SERINC5: variants seen among roughly 807,000 people sequenced by gnomAD.
SERINC5 encodes the protein serine incorporator 5, also known as chromosome 5 open reading frame 12.
A neutral mutation model predicts 63.1 loss-of-function variants in SERINC5; 41 were observed. That is an observed-to-expected ratio of 0.65 (90% CI 0.51 to 0.84). The LOEUF (loss-of-function observed/expected upper bound fraction) is 0.84. Among genes scored for constraint, SERINC5 ranks in the 40% least tolerant of loss-of-function variants. The probability of loss-of-function intolerance (pLI) is 0.00; values close to 1 mark genes in which losing one functional copy is unlikely to be tolerated. For missense variants in SERINC5, 523 were observed against 573.0 expected (o/e 0.91, Z 0.89); for synonymous variants, 222 against 215.2 (o/e 1.03, Z -0.28).
intron 5 of SERINC5, among the ~76,000 whole-genome samples, chr5:80,172,336 T>C (rs933772544): frequency 2.1e-4 from 32 of 152,102 alleles, no homozygotes; most frequent in African/African-American, 7.2e-4. Context: ...AAAAGGGAAA[T>C]TGTTCAGAAC....
chr5:80,184,215 A>G (rs1292167433), intron 2 of SERINC5, among the ~76,000 whole-genome samples: 1 of 152,132 alleles, frequency 6.6e-6, no homozygotes, highest in Non-Finnish European at 1.5e-5. Context: ...TATTGCTCTA[A>G]AACATTCCCT....
rs1745546308 is a variant in SERINC5, at chr5:80,142,166, T to C, written c.*1497A>G. On this transcript the variant is annotated 3_prime_UTR_variant, in exon 12 of 12. Transcript: ENST00000507668. The stretch of plus-strand genomic sequence containing the variant: ...CCCCGAATGAAATTCTAACAGGAGT[T>C]TCCACCAAGTAAACCTTTTCCCTGC... 1.0e-6 allele frequency: 1 copy of C among 985,284 alleles called. No individual in the cohort carries two copies. The highest frequency in any genetic ancestry group is 1.7e-5 in the African/African-American group (1 of 57,214). The allele number at this position is 985,284 out of a possible 1,614,324, so 61.0% of individuals were successfully genotyped here. A position where few individuals can be genotyped will look rare whatever the true frequency, so the allele number is the denominator to read the frequency against.
intron 6 of SERINC5, among the ~76,000 whole-genome samples, chr5:80,167,761 G>A (rs1747398781): frequency 6.6e-6 from 1 of 152,106 alleles, no homozygotes; most frequent in Non-Finnish European, 1.5e-5. Context: ...ATATTTCAAG[G>A]AAACTAAGGG....
chr5:80,250,682 A>G (rs993318126), intron 1 of SERINC5, among the ~76,000 whole-genome samples: 5 of 152,148 alleles, frequency 3.3e-5, no homozygotes, highest in Non-Finnish European at 5.9e-5. Context: ...AGTCTTCTTC[A>G]TGGACTCTGT....
At chr5:80,181,979 T>C (rs1748458450) in intron 2 of SERINC5, among the ~76,000 whole-genome samples, 1 of 152,248 alleles carries the variant, frequency 6.6e-6, no homozygotes, top group African/African-American at 2.4e-5. Context: ...CTCTTAATGT[T>C]AAATGTTATT....
At chr5:80,210,559 A>T (rs916704962) in intron 1 of SERINC5, among the ~76,000 whole-genome samples, 1 of 152,070 alleles carries the variant, frequency 6.6e-6, no homozygotes, top group African/African-American at 2.4e-5. Flanking sequence ...AAAGCACAAT[A>T]CCTTCATTAC....
chr5:80,194,021 G>A (rs1287041501), intron 2 of SERINC5, among the ~76,000 whole-genome samples: 2 of 152,126 alleles, frequency 1.3e-5, no homozygotes, highest in African/African-American at 4.8e-5. Context: ...TCTACAATGG[G>A]CTTGAGGTTC....
In SERINC5 at chr5:80,235,273, CTTTA is replaced by C. The variant is rs1021298056; in HGVS notation, c.27+20619_27+20622del. Among the ~76,000 whole-genome samples, 3 of 152,194 alleles carry C rather than the reference CTTTA, an allele frequency of 2.0e-5. No homozygotes were observed. In the East Asian group the frequency reaches 5.8e-4, roughly 29 times the overall value. On this transcript the variant is annotated intron_variant, in intron 1 of 11. Coordinates refer to ENST00000507668, the MANE Select transcript of SERINC5 (RefSeq NM_001174072.3). ...TTGTAGTATGTGACAAGTTTTCCTT[CTTTA>C]TTAAGGCTGTATAATATTCCATTGT...
At chr5:80,247,321 C>G (rs963490098) in intron 1 of SERINC5, among the ~76,000 whole-genome samples, 1 of 152,100 alleles carries the variant, frequency 6.6e-6, no homozygotes, top group African/African-American at 2.4e-5. Context: ...CATAGTCACT[C>G]CCAGATACTC....
chr5:80,194,693 T>C (rs1749397048), intron 2 of SERINC5, among the ~76,000 whole-genome samples: 1 of 152,172 alleles, frequency 6.6e-6, no homozygotes, highest in Non-Finnish European at 1.5e-5. Context: ...CAGGCAGCGC[T>C]ATTTCCAAAA....
intron 8 of SERINC5, among the ~76,000 whole-genome samples, chr5:80,154,201 T>C (rs924566221): frequency 2.6e-5 from 4 of 151,904 alleles, no homozygotes; most frequent in Non-Finnish European, 5.9e-5. Flanking sequence ...TTTCTGGAGA[T>C]GGAGTTTCAC....
intron 6 of SERINC5, among the ~76,000 whole-genome samples, chr5:80,168,650 A>C (rs1747459717): frequency 6.6e-6 from 1 of 152,230 alleles, no homozygotes; most frequent in Admixed American, 6.5e-5. Context: ...GACCAGGGAC[A>C]TCTCACTGTA....
At chr5:80,215,689 T>C (rs1750629461) in intron 1 of SERINC5, among the ~76,000 whole-genome samples, 1 of 152,104 alleles carries the variant, frequency 6.6e-6, no homozygotes, top group South Asian at 2.1e-4. Flanking sequence ...TGGCAAGTGG[T>C]TTCTCAAACA....
intron 2 of SERINC5, among the ~76,000 whole-genome samples, chr5:80,199,683 C>CG (rs1749712279): frequency 6.6e-6 from 1 of 152,182 alleles, no homozygotes; most frequent in African/African-American, 2.4e-5. Flanking sequence ...CTCCCTCTAA[C>CG]GTCTCAATAA....
chr5:80,179,444 T>G (rs67926459), intron 2 of SERINC5, among the ~76,000 whole-genome samples: 44,748 of 152,172 alleles, frequency 0.29, 7,033 homozygotes, highest in African/African-American at 0.39. Context: ...CTGATCTTAA[T>G]TTTTTGTTGG....
At chr5:80,179,120 G>A (rs552434173) in intron 2 of SERINC5, among the ~76,000 whole-genome samples, 3 of 152,122 alleles carry the variant, frequency 2.0e-5, no homozygotes, top group Admixed American at 1.3e-4. Flanking sequence ...GCCAACATGT[G>A]AAACCCTGTC....
chr5:80,222,553 A>AGTATGTGAGAGT (rs550308144), intron 1 of SERINC5, among the ~76,000 whole-genome samples: 1 of 138,892 alleles, frequency 7.2e-6, no homozygotes, highest in Non-Finnish European at 1.7e-5. Flanking sequence ...TTTGTGGGTG[A>AGTATGTGAGAGT]GTGTGTGAGT....
At chr5:80,195,532 C>G (rs1262363431) in intron 2 of SERINC5, among the ~76,000 whole-genome samples, 1 of 152,156 alleles carries the variant, frequency 6.6e-6, no homozygotes, top group Non-Finnish European at 1.5e-5. Flanking sequence ...TTAACTCGCT[C>G]CTTTAAGGGG....
At chr5:80,204,685 G>C (rs113884638) in intron 1 of SERINC5, among the ~76,000 whole-genome samples, 2,650 of 152,198 alleles carry the variant, frequency 0.017, 75 homozygotes, top group African/African-American at 0.06. Flanking sequence ...AATCAGCTAA[G>C]AGCAAGAGAA....
Sources: gnomAD v4.1 joint callset for allele counts (sites outside exome capture counted in the v4.1 genomes callset) on GRCh38, gnomAD v4.1.1 for gene constraint, MANE v1.5 for transcripts, NCBI Gene and HGNC (gene_info 2026-07-23, HGNC 2026-07-21) for gene names.